HSPG2: variants seen among roughly 807,000 people sequenced by gnomAD.
The protein encoded by HSPG2 is basement membrane-specific heparan sulfate proteoglycan core protein.
HSPG2 carries 278 observed loss-of-function variants against 526.6 expected under a neutral mutation model. The ratio of observed to expected loss-of-function variants is 0.53; its 90% CI spans 0.48 to 0.58. The LOEUF is 0.58. Among genes scored for constraint, HSPG2 ranks in the 20% least tolerant of loss-of-function variants. The pLI, the probability that HSPG2 is intolerant of heterozygous loss-of-function variation, is 0.00. For synonymous variants in HSPG2, 2,465 were observed against 2,555.4 expected (o/e 0.96, Z 1.07); for missense variants, 5,354 against 6,099.5 (o/e 0.88, Z 4.07).
At chr1:21,906,730 G>C (rs1024151804) in intron 1 of HSPG2, among the ~76,000 whole-genome samples, 1 of 143,380 alleles carries the variant, frequency 7.0e-6, no homozygotes, top group Non-Finnish European at 1.5e-5. Context: ...GGACTGGGGG[G>C]TGGGGGGGGG....
At position 21,874,477 on chromosome 1, in the gene HSPG2, G is replaced by A. The variant is rs769653043; in HGVS notation, c.3585C>T (p.Tyr1195=). 53 of 1,612,608 alleles carry A rather than the reference G, an allele frequency of 3.3e-5. No homozygotes were observed. The highest frequency in any genetic ancestry group is 5.5e-5 in the South Asian group (5 of 91,004). ...GTGGTGTCCCCCGCTGGGCGTCCCC[G>A]TAGTATCCTGGCTGGCACTGCTCAC... ...PRCEQCQPGY[Y]GDAQRGTPQD... Residue 1195 remains tyrosine (Y), a synonymous_variant, in exon 28 of 97, where the codon TAC becomes TAT. Coordinates refer to ENST00000374695, the MANE Select transcript of HSPG2 (RefSeq NM_005529.7).
At position 21,824,163 on chromosome 1, in the gene HSPG2, T is replaced by C; in HGVS notation, c.12857A>G (p.Asp4286Gly). 6.2e-7 allele frequency: 1 copy of C among 1,613,220 alleles called. No individual in the cohort carries two copies. The highest frequency in any genetic ancestry group is 8.5e-7 in the Non-Finnish European group (1 of 1,179,940). The change falls in exon 95 of 97, where the codon GAC (aspartate) becomes GGC (glycine). Residue 4286 changes from aspartate to glycine, a missense_variant. Physicochemically the swap from Asp to Gly is moderately conservative, Grantham distance 94. Coordinates refer to ENST00000374695, the MANE Select transcript of HSPG2 (RefSeq NM_005529.7). The surrounding 1 kb of genome is among the most constrained non-coding windows in gnomAD (Gnocchi z 5.9). ...GTGCCACTCGCCGTCATTGATGGGGTCCTCAGAGACCAGGCGGGCCTCCCC... is the reference window on the plus strand; with the variant it reads ...GTGCCACTCGCCGTCATTGATGGGGCCCTCAGAGACCAGGCGGGCCTCCCC... ...GSGEARLVSE[D>G]PINDGEWHRV...
rs554850229 is a variant in HSPG2, at chr1:21,869,580, C to T, written c.4221+2606G>A. 13 of 986,208 alleles carry T rather than the reference C, an allele frequency of 1.3e-5. No individual in the cohort carries two copies. In the South Asian group the frequency reaches 5.6e-4, roughly 43 times the overall value. The allele number at this position is 986,208 out of a possible 1,614,324, so 61.1% of individuals were successfully genotyped here. ...CAGGCTGGGGATGAGGAGAGAGCCC[C>T]TGGGGAGGGGGTTGGGGTTGGGCAG... is the stretch of plus-strand genomic sequence containing the variant. On this transcript the variant is annotated intron_variant, in intron 33 of 96. Coordinates refer to ENST00000374695, the MANE Select transcript of HSPG2 (RefSeq NM_005529.7).
Position 21,865,949 on chromosome 1 carries a change from G to C in HSPG2, c.4222-140C>G. On this transcript the variant is annotated intron_variant, in intron 33 of 96. Coordinates refer to ENST00000374695, the MANE Select transcript of HSPG2 (RefSeq NM_005529.7). The surrounding 1 kb of genome is among the most constrained non-coding windows in gnomAD (Gnocchi z 5.4). ...ACCCCCCTCCCTGCCCAAACCAAGA[G>C]GCCAGGGTGCATGGTTGCCTGGGAA... 1.4e-6 allele frequency: 1 copy of C among 698,348 alleles called. No homozygotes were observed. The highest frequency in any genetic ancestry group is 1.5e-5 in the South Asian group (1 of 67,306). The allele number at this position is 698,348 out of a possible 1,614,324, so 43.3% of individuals were successfully genotyped here.
In HSPG2 at chr1:21,846,214, G is replaced by A. The variant is rs142568823; in HGVS notation, c.8358C>T (p.Ala2786=). ...CCCGGCACACGTATTCACCCGAGTC[G>A]GCCGGGGACACATGGTGCAGCCGCA... The part of the protein sequence containing the change: ...SRLRLHHVSP[A]DSGEYVCRVM... Residue 2786 remains alanine (A), a synonymous_variant, in exon 64 of 97, where the codon GCC becomes GCT. Transcript: ENST00000374695. 4.9e-5 allele frequency: 79 copies of A among 1,612,882 alleles called. No homozygotes were observed. Among genetic ancestry groups the A allele is most frequent in the Middle Eastern group, 3.3e-4 (2 of 6,076 alleles).
chr1:21,865,626 C>T lies in HSPG2; in HGVS notation c.4314+91G>A. 1 of 1,141,048 alleles carries T rather than the reference C, an allele frequency of 8.8e-7. No homozygotes were observed. The highest frequency in any genetic ancestry group is 1.3e-6 in the Non-Finnish European group (1 of 751,634). The allele number at this position is 1,141,048 out of a possible 1,614,324, so 70.7% of individuals were successfully genotyped here. A position where few individuals can be genotyped will look rare whatever the true frequency, so the allele number is the denominator to read the frequency against. On this transcript the variant is annotated intron_variant, in intron 34 of 96. Transcript: ENST00000374695. The surrounding 1 kb of genome is among the most constrained non-coding windows in gnomAD (Gnocchi z 5.4). ...CCAGCCTGTGCCAGAAAACTGAGTG[C>T]TGGATGGAAAGGACAAAGGACAAAT...
chr1:21,865,245 T>A lies in HSPG2; in HGVS notation c.4395+40A>T. 6.3e-7 allele frequency: 1 copy of A among 1,585,442 alleles called. No homozygotes were observed. Among genetic ancestry groups the A allele is most frequent in the African/African-American group, 1.4e-5 (1 of 73,162 alleles). On this transcript the variant is annotated intron_variant, in intron 35 of 96. Coordinates refer to ENST00000374695, the MANE Select transcript of HSPG2 (RefSeq NM_005529.7). The surrounding 1 kb of genome is among the most constrained non-coding windows in gnomAD (Gnocchi z 5.4). ...CCAGGCTCTGAGTCAGGGTGGAGGG[T>A]GGGGTGGGGTTAGACACAGCATGGC...
At chr1:21,829,853 A>G (rs2097994428) in intron 86 of HSPG2, 140 bp downstream of exon 86, 1 of 821,186 alleles carries the variant, frequency 1.2e-6, no homozygotes, top group Non-Finnish European at 2.0e-6. Flanking sequence ...CTGGGCAGAC[A>G]TGTGGCCAGG....
In HSPG2 at chr1:21,823,376, C is replaced by T. The variant is rs1249583364; in HGVS notation, c.13116G>A (p.Gln4372=). The stretch of plus-strand genomic sequence containing the variant: ...GGGCGCGGTGCTGCAGGTCCAGGGG[C>T]TGTGGGGGCGGGGCGCCGGGTCGGG... ...HSARPGAPPP[Q]PLDLQHRAQA... The change falls in exon 97 of 97, where the codon CAG becomes CAA. Residue 4372 remains glutamine (Q), a synonymous_variant. Transcript: ENST00000374695. The T allele has an allele frequency of 6.4e-7, 1 of 1,552,082 alleles. No homozygotes were observed. Among genetic ancestry groups the T allele is most frequent in the East Asian group, 2.4e-5 (1 of 41,816 alleles).
chr1:21,905,038 C>A (rs972998241), intron 1 of HSPG2, among the ~76,000 whole-genome samples: 2 of 152,160 alleles, frequency 1.3e-5, no homozygotes, highest in Non-Finnish European at 2.9e-5. Flanking sequence ...CCACTAACAA[C>A]CACGGCCGCT....
chr1:21,847,793 C>T lies in HSPG2; in HGVS notation c.7921G>A (p.Val2641Met), dbSNP rs1362603871. The change falls in exon 61 of 97, where the codon GTG becomes ATG. Residue 2641 changes from valine (V) to methionine (M), a missense_variant. Val to Met is a conservative substitution (Grantham distance 21, BLOSUM62 1). Coordinates refer to ENST00000374695, the MANE Select transcript of HSPG2 (RefSeq NM_005529.7). The surrounding 1 kb of genome is among the most constrained non-coding windows in gnomAD (Gnocchi z 4.1). Reference sequence around the variant, plus strand: ...AGATCCAAGGTCTGCCCTTCCACCACCGTGGGGGAAGACGACTCGATCCTG... The same window carrying T: ...AGATCCAAGGTCTGCCCTTCCACCATCGTGGGGGAAGACGACTCGATCCTG... ...PIRIESSSPTVVEGQTLDLNC... is the reference protein window; with the variant it reads ...PIRIESSSPTMVEGQTLDLNC... The T allele has an allele frequency of 5.0e-6, 8 of 1,613,724 alleles. No homozygotes were observed. Among genetic ancestry groups the T allele is most frequent in the Non-Finnish European group, 6.8e-6 (8 of 1,180,006 alleles).
At chr1:21,897,203 C>T (rs1279071292) in intron 1 of HSPG2, among the ~76,000 whole-genome samples, 1 of 152,196 alleles carries the variant, frequency 6.6e-6, no homozygotes, top group East Asian at 1.9e-4. Flanking sequence ...CCAGGGGAGC[C>T]CAAGGGAACC....
At chr1:21,876,715 G>A (rs1426811152) in intron 21 of HSPG2, 63 bp from the exon 22 acceptor site, 40 of 1,604,058 alleles carry the variant, frequency 2.5e-5, no homozygotes, top group Admixed American at 3.4e-5. Flanking sequence ...AGCTCTGGCC[G>A]AATCCACCCT....
chr1:21,854,572 C>T (rs1639183287), intron 49 of HSPG2, 39 bp downstream of exon 49: 1 of 1,535,860 alleles, frequency 6.5e-7, no homozygotes, highest in African/African-American at 1.4e-5. Context: ...ACAGCCCCTG[C>T]ACCCTGGGTC....
In HSPG2 at chr1:21,858,686, C is replaced by T. The variant is rs540665304; in HGVS notation, c.5293+880G>A. Among the ~76,000 whole-genome samples, 14 of 152,370 alleles carry T rather than the reference C, an allele frequency of 9.2e-5. No homozygotes were observed. Among genetic ancestry groups the T allele is most frequent in the African/African-American group, 2.2e-4 (9 of 41,580 alleles). On this transcript the variant is annotated intron_variant, in intron 42 of 96. Transcript: ENST00000374695. This position sits in a 1 kb window ranked among gnomAD's most constrained non-coding sequence, Gnocchi z 4.2. ...AGCCACGCTTCCCACCCCCCGTGCC[C>T]ACCTGCCTGACTTCTGCCAGCCACT...
At chr1:21,842,641 G>T in intron 67 of HSPG2, 129 bp downstream of exon 67, 1 of 1,241,950 alleles carries the variant, frequency 8.1e-7, no homozygotes, top group Non-Finnish European at 1.1e-6. Flanking sequence ...TGGTGAACTC[G>T]TCCCGCAAAC....
chr1:21,839,426 G>A lies in HSPG2; in HGVS notation c.9834C>T (p.Cys3278=). ...VAQQDSGQYI[C]NATSPAGHAE... ...CGTGCCCAGCAGGGCTAGTGGCATTGCAGATGTACTGGCCCGAGTCCTGCT... is the reference window on the plus strand; with the variant it reads ...CGTGCCCAGCAGGGCTAGTGGCATTACAGATGTACTGGCCCGAGTCCTGCT... The change falls in exon 73 of 97, where the codon TGC becomes TGT. Residue 3278 remains cysteine (C), a synonymous_variant. Coordinates refer to ENST00000374695, the MANE Select transcript of HSPG2 (RefSeq NM_005529.7). The surrounding 1 kb of genome is among the most constrained non-coding windows in gnomAD (Gnocchi z 4.5). 1.2e-6 allele frequency: 2 copies of A among 1,614,034 alleles called. No individual in the cohort carries two copies. Among genetic ancestry groups the A allele is most frequent in the East Asian group, 4.5e-5 (2 of 44,868 alleles).
At position 21,896,201 on chromosome 1, in the gene HSPG2, T is replaced by C; in HGVS notation, c.173A>G (p.Asp58Gly). Residue 58 changes from aspartate (D) to glycine (G), a missense_variant, in exon 2 of 97, where the codon GAC (aspartate) becomes GGC (glycine). Physicochemically the swap from Asp to Gly is moderately conservative, Grantham distance 94. Transcript: ENST00000374695. ...TCCTGAGATGCTGTCAGCCAGCATG[T>C]CCTCATCATCAGAAAGGTACGAATG... ...WTHSYLSDDEDMLADSISGDD... is the reference protein window; with the variant it reads ...WTHSYLSDDEGMLADSISGDD... 1.9e-6 allele frequency: 3 copies of C among 1,613,962 alleles called. No individual in the cohort carries two copies. The highest frequency in any genetic ancestry group is 2.5e-6 in the Non-Finnish European group (3 of 1,179,970).
chr1:21,916,068 G>GA (rs550337052), intron 1 of HSPG2, among the ~76,000 whole-genome samples: 7,287 of 47,704 alleles, frequency 0.15, 292 homozygotes, highest in East Asian at 0.36. Flanking sequence ...AAAAGAAGAA[G>GA]AAGAAAAAAA....
Sources: allele counts gnomAD v4.1 joint callset (sites outside exome capture counted in the v4.1 genomes callset), GRCh38; gene constraint gnomAD v4.1.1; non-coding constraint Gnocchi (gnomAD v3.1); transcripts MANE v1.5; gene names NCBI Gene and HGNC (gene_info 2026-07-23, HGNC 2026-07-21).